The following SGCZ variants were observed in gnomAD, a reference collection of about 807,000 sequenced individuals.
SGCZ encodes sarcoglycan zeta, also known as zeta-sarcoglycan.
Under a neutral mutation model 41.3 loss-of-function variants are expected in SGCZ, and 40 were observed. The ratio of observed to expected loss-of-function variants is 0.97; its 90% CI spans 0.75 to 1.26. The LOEUF (loss-of-function observed/expected upper bound fraction) is 1.26, where lower values mean the gene tolerates loss of function less well. SGCZ is among the 50% of genes most tolerant of loss of function. The probability of loss-of-function intolerance (pLI) is 0.00; values close to 1 mark genes in which losing one functional copy is unlikely to be tolerated. For missense variants in SGCZ, 552 were observed against 369.8 expected (o/e 1.49, Z -4.04); for synonymous variants, 206 against 137.5 (o/e 1.50, Z -3.49).
chr8:14,856,448 T>C (rs960270659), intron 1 of SGCZ, among the ~76,000 whole-genome samples: 10 of 152,110 alleles, frequency 6.6e-5, no homozygotes, highest in Non-Finnish European at 1.5e-4. Context: ...ATTCAAACTA[T>C]TGCAAATTTA....
intron 1 of SGCZ, among the ~76,000 whole-genome samples, chr8:15,076,456 G>A (rs138523016): frequency 8.5e-4 from 130 of 152,290 alleles, no homozygotes; most frequent in African/African-American, 3.0e-3. Context: ...AAAACAGGAT[G>A]AGGAAATGGA....
chr8:14,490,720 C>G lies in SGCZ; in HGVS notation c.234+64012G>C, dbSNP rs184718459. On this transcript the variant is annotated intron_variant, in intron 2 of 7. Transcript: ENST00000382080. ...GAATGTTTGACACTGATGTACATAACAGAAATGCAAACATACCACTAAAAA... is the reference window on the plus strand; with the variant it reads ...GAATGTTTGACACTGATGTACATAAGAGAAATGCAAACATACCACTAAAAA... 4.6e-3 allele frequency among the ~76,000 whole-genome samples: 702 copies of G among 152,234 alleles called. 9 individuals are homozygous for G. Among genetic ancestry groups the G allele is most frequent in the African/African-American group, 0.016 (672 of 41,554 alleles).
At chr8:14,117,759 A>G (rs4831531) in intron 5 of SGCZ, among the ~76,000 whole-genome samples, 148,835 of 150,790 alleles carry the variant, frequency 0.99, 73,473 homozygotes, top group East Asian at 1. Flanking sequence ...AATAGGCCCC[A>G]GTGTGTGATG....
chr8:14,487,241 G>T (rs935811741), intron 2 of SGCZ, among the ~76,000 whole-genome samples: 1 of 152,024 alleles, frequency 6.6e-6, no homozygotes, highest in African/African-American at 2.4e-5. Context: ...TAATGTAATT[G>T]TAAACGCTTT....
chr8:14,090,705 C>G, intron 7 of SGCZ, 68 bp from the exon 8 acceptor site: 1 of 1,346,170 alleles, frequency 7.4e-7, no homozygotes, highest in Non-Finnish European at 1.0e-6. Flanking sequence ...CTACATCCCT[C>G]CTCAACATGG....
At chr8:14,861,482 A>G (rs1188010850) in intron 1 of SGCZ, among the ~76,000 whole-genome samples, 2 of 152,154 alleles carry the variant, frequency 1.3e-5, no homozygotes, top group Non-Finnish European at 2.9e-5. Context: ...GTGATCTTGC[A>G]TATTAATACA....
At chr8:14,264,493 G>C (rs1799803517) in intron 3 of SGCZ, among the ~76,000 whole-genome samples, 1 of 152,096 alleles carries the variant, frequency 6.6e-6, no homozygotes, top group Admixed American at 6.6e-5. Flanking sequence ...GTAGACCTGC[G>C]GCAAACCTCA....
chr8:14,620,285 A>C lies in SGCZ; in HGVS notation c.40-65359T>G, dbSNP rs1298862160. On this transcript the variant is annotated intron_variant, in intron 1 of 7. Coordinates refer to ENST00000382080, the MANE Select transcript of SGCZ (RefSeq NM_139167.4). ...CTTCCTTACACCTTATACAAAAATT[A>C]ATTCAAGATGGATTAAAGACTTAAA... Among the ~76,000 whole-genome samples, 5 of 152,292 alleles carry C rather than the reference A, an allele frequency of 3.3e-5. No individual in the cohort carries two copies. In the East Asian group the frequency reaches 9.6e-4, roughly 29 times the overall value.
intron 1 of SGCZ, among the ~76,000 whole-genome samples, chr8:15,170,184 C>G (rs1164484709): frequency 6.6e-6 from 1 of 152,136 alleles, no homozygotes; most frequent in East Asian, 1.9e-4. Context: ...TATATACCTG[C>G]TCTCTGACAC....
chr8:14,277,457 C>G (rs1404682046), intron 3 of SGCZ, among the ~76,000 whole-genome samples: 2 of 152,096 alleles, frequency 1.3e-5, no homozygotes, highest in Admixed American at 6.6e-5. Flanking sequence ...CAAAAGTGCT[C>G]CTAACACATG....
intron 1 of SGCZ, among the ~76,000 whole-genome samples, chr8:15,089,468 T>A (rs539370145): frequency 2.6e-5 from 4 of 152,140 alleles, no homozygotes; most frequent in South Asian, 2.1e-4. Context: ...TTCTTTTTTT[T>A]AATGAGACTT....
At chr8:14,100,296 T>A (rs1013984243) in intron 7 of SGCZ, among the ~76,000 whole-genome samples, 1 of 150,694 alleles carries the variant, frequency 6.6e-6, no homozygotes, top group African/African-American at 2.5e-5. Flanking sequence ...ATACCATGAA[T>A]AAATGAATAA....
chr8:14,712,510 T>A (rs1809553693), intron 1 of SGCZ, among the ~76,000 whole-genome samples: 1 of 152,204 alleles, frequency 6.6e-6, no homozygotes, highest in African/African-American at 2.4e-5. Flanking sequence ...TAGTGAATTT[T>A]AAAAGTGCTT....
intron 1 of SGCZ, among the ~76,000 whole-genome samples, chr8:14,893,083 A>G (rs1805073096): frequency 6.6e-6 from 1 of 152,176 alleles, no homozygotes; most frequent in Non-Finnish European, 1.5e-5. Context: ...TGATTAAGTG[A>G]GGGTCCATGA....
At chr8:14,551,542 A>ATTATATATATT (rs1279768858) in intron 2 of SGCZ, among the ~76,000 whole-genome samples, 2 of 7,088 alleles carry the variant, frequency 2.8e-4, no homozygotes, top group African/African-American at 9.4e-4. Context: ...TAATATATAT[A>ATTATATATATT]ATATATATAA....
At chr8:14,351,627 C>T (rs1053808432) in intron 2 of SGCZ, among the ~76,000 whole-genome samples, 2 of 151,446 alleles carry the variant, frequency 1.3e-5, no homozygotes, top group Admixed American at 6.6e-5. Context: ...AACATGATGT[C>T]ATTTTAGTAC....
At chr8:14,778,406 T>G (rs1457959980) in intron 1 of SGCZ, among the ~76,000 whole-genome samples, 1 of 152,158 alleles carries the variant, frequency 6.6e-6, no homozygotes, top group Non-Finnish European at 1.5e-5. Context: ...TGCATGAATT[T>G]GTAAATGAAC....
At chr8:14,808,006 G>A (rs2130526689) in intron 1 of SGCZ, among the ~76,000 whole-genome samples, 1 of 151,760 alleles carries the variant, frequency 6.6e-6, no homozygotes, top group African/African-American at 2.4e-5. Flanking sequence ...AATAAATGGT[G>A]CTGGGAAAAC....
chr8:14,146,871 C>CAAAAAT (rs1803538672), intron 5 of SGCZ, among the ~76,000 whole-genome samples: 2 of 74,850 alleles, frequency 2.7e-5, no homozygotes, highest in Non-Finnish European at 5.4e-5. Context: ...GACTCCGTCT[C>CAAAAAT]AAAAAATAAA....
Sources: gnomAD v4.1 joint callset for allele counts (sites outside exome capture counted in the v4.1 genomes callset) on GRCh38, gnomAD v4.1.1 for gene constraint, MANE v1.5 for transcripts, NCBI Gene and HGNC (gene_info 2026-07-23, HGNC 2026-07-21) for gene names.